Variants in KSR2 observed in about 807,000 individuals in gnomAD.
The protein encoded by KSR2 is kinase suppressor of ras 2.
A neutral mutation model predicts 107.8 loss-of-function variants in KSR2; 25 were observed. The observed-to-expected ratio is 0.23, with a 90% CI of 0.17 to 0.32. KSR2 has a LOEUF of 0.32. Among genes scored for constraint, KSR2 ranks in the 10% least tolerant of loss-of-function variants. The probability of loss-of-function intolerance (pLI) is 1.00; values close to 1 mark genes in which losing one functional copy is unlikely to be tolerated. For missense variants in KSR2, 887 were observed against 1,268.9 expected, an observed-to-expected ratio of 0.70 and a Z score of 4.57; for synonymous variants, 480 against 507.0, an observed-to-expected ratio of 0.95 and a Z score of 0.71.
intron 1 of KSR2, among the ~76,000 whole-genome samples, chr12:117,885,131 G>A (rs760252077): frequency 6.6e-6 from 1 of 152,180 alleles, no homozygotes; most frequent in African/African-American, 2.4e-5. Context: ...GAAGCTCTGA[G>A]AGGCTTCTGA....
Position 117,558,646 on chromosome 12 carries a change from A to AATGGATGG in KSR2, c.1326-81_1326-74dup, listed in dbSNP as rs1399224508. 73 of 1,090,984 alleles carry AATGGATGG rather than the reference A, an allele frequency of 6.7e-5. No homozygotes were observed. The African/African-American group carries it at 1.0e-3, about 15-fold the overall frequency. The allele number at this position is 1,090,984 out of a possible 1,614,324, so 67.6% of individuals were successfully genotyped here. On this transcript the variant is annotated intron_variant, in intron 7 of 19. Transcript: ENST00000339824. ...GAGCGGGTAGGTGGGTGGGTGGATG[A>AATGGATGG]ATGGATGGATGGGTGGATGGGTGGA... is the stretch of plus-strand genomic sequence containing the variant.
intron 1 of KSR2, among the ~76,000 whole-genome samples, chr12:117,880,270 T>C (rs1566064644): frequency 6.6e-6 from 1 of 152,202 alleles, no homozygotes. Flanking sequence ...AACCAAAATA[T>C]AATTACATGA....
chr12:117,591,174 C>A (rs2136268256), intron 5 of KSR2, among the ~76,000 whole-genome samples: 1 of 152,256 alleles, frequency 6.6e-6, no homozygotes, highest in East Asian at 1.9e-4. Context: ...GTAGAATAGT[C>A]CATGAGGGGG....
intron 1 of KSR2, among the ~76,000 whole-genome samples, chr12:117,921,601 G>A (rs1010018110): frequency 6.6e-6 from 1 of 152,132 alleles, no homozygotes; most frequent in African/African-American, 2.4e-5. Context: ...TGTGACTCCA[G>A]GGAGGTTACT....
At chr12:117,844,151 C>T (rs1442983959) in intron 3 of KSR2, among the ~76,000 whole-genome samples, 1 of 152,056 alleles carries the variant, frequency 6.6e-6, no homozygotes, top group Non-Finnish European at 1.5e-5. Context: ...GCTCATGTCA[C>T]ATAAAAGGCA....
At chr12:117,828,848 T>A (rs957376109) in intron 3 of KSR2, among the ~76,000 whole-genome samples, 1 of 152,184 alleles carries the variant, frequency 6.6e-6, no homozygotes, top group Non-Finnish European at 1.5e-5. Context: ...TGTGTCCCAC[T>A]GTGAAAACAA....
At chr12:117,778,274 A>G (rs1439943018) in intron 3 of KSR2, among the ~76,000 whole-genome samples, 1 of 152,032 alleles carries the variant, frequency 6.6e-6, no homozygotes, top group East Asian at 1.9e-4. Flanking sequence ...TATTTTTAGT[A>G]GAGATGGGGT....
intron 10 of KSR2, among the ~76,000 whole-genome samples, chr12:117,536,198 A>C (rs887525211): frequency 2.0e-5 from 3 of 152,206 alleles, no homozygotes; most frequent in Non-Finnish European, 4.4e-5. Context: ...GTTATGCCTA[A>C]GCTTTAGCTT....
At chr12:117,738,853 C>T (rs74657635) in intron 4 of KSR2, among the ~76,000 whole-genome samples, 1 of 152,042 alleles carries the variant, frequency 6.6e-6, no homozygotes, top group African/African-American at 2.4e-5. Context: ...CCGGCCTGGG[C>T]GACAGAGACT....
intron 5 of KSR2, among the ~76,000 whole-genome samples, chr12:117,639,463 G>A (rs575768355): frequency 1.3e-5 from 2 of 151,092 alleles, no homozygotes; most frequent in Admixed American, 6.6e-5. Flanking sequence ...CTGAGAAGCT[G>A]GGATTACAGG....
At chr12:117,687,757 T>C (rs1885636118) in intron 4 of KSR2, among the ~76,000 whole-genome samples, 1 of 152,062 alleles carries the variant, frequency 6.6e-6, no homozygotes, top group Admixed American at 6.6e-5. Context: ...CAGGTGCCAA[T>C]CAGACCAATC....
intron 5 of KSR2, among the ~76,000 whole-genome samples, chr12:117,663,402 G>C (rs1450888559): frequency 6.6e-6 from 1 of 152,146 alleles, no homozygotes; most frequent in Non-Finnish European, 1.5e-5. Flanking sequence ...AATAATAAAA[G>C]TGAACTGCTT....
At chr12:117,507,944 C>T (rs756178469) in intron 14 of KSR2, among the ~76,000 whole-genome samples, 13 of 152,116 alleles carry the variant, frequency 8.5e-5, no homozygotes, top group Admixed American at 2.6e-4. Flanking sequence ...CTTTTCCCCT[C>T]CATTTATCAT....
At chr12:117,526,369 A>AGACCC (rs1875168030) in intron 13 of KSR2, among the ~76,000 whole-genome samples, 1 of 152,212 alleles carries the variant, frequency 6.6e-6, no homozygotes, top group Non-Finnish European at 1.5e-5. Context: ...GGATTCCCAG[A>AGACCC]GACCCTGGGA....
At chr12:117,626,338 A>T (rs565860132) in intron 5 of KSR2, among the ~76,000 whole-genome samples, 21 of 152,240 alleles carry the variant, frequency 1.4e-4, no homozygotes, top group African/African-American at 4.8e-4. Context: ...TCTTGTGGGC[A>T]TTTAGTGCTA....
intron 4 of KSR2, among the ~76,000 whole-genome samples, chr12:117,680,840 GGTAA>G (rs1885335952): frequency 6.6e-6 from 1 of 152,104 alleles, no homozygotes; most frequent in Admixed American, 6.6e-5. Context: ...AAAATGACCT[GGTAA>G]GTGTTACTAG....
chr12:117,779,684 T>C (rs1889817232), intron 3 of KSR2, among the ~76,000 whole-genome samples: 1 of 152,156 alleles, frequency 6.6e-6, no homozygotes, highest in Non-Finnish European at 1.5e-5. Flanking sequence ...TTAAAAGTGT[T>C]TAGCAGTTTC....
intron 6 of KSR2, among the ~76,000 whole-genome samples, chr12:117,581,192 C>G (rs1879640887): frequency 6.6e-6 from 1 of 152,126 alleles, no homozygotes; most frequent in Non-Finnish European, 1.5e-5. Flanking sequence ...CATGAGTCCC[C>G]ATCGTGAGAA....
rs1884712264 is a variant in KSR2, at chr12:117,667,552, G to A, written c.1093C>T (p.Leu365Phe). The A allele has an allele frequency of 6.2e-7, 1 of 1,613,206 alleles. No homozygotes were observed. The highest frequency in any genetic ancestry group is 2.2e-5 in the East Asian group (1 of 44,848). Residue 365 changes from leucine to phenylalanine, a missense_variant, in exon 5 of 20, where the codon CTC becomes TTC. This residue lies in a region of KSR2 where 399 missense variants were observed against 479.5 expected (regional missense o/e 0.83). Coordinates refer to ENST00000339824, the MANE Select transcript of KSR2 (RefSeq NM_173598.6). ...GCGTGTCCCACAAAGAAGGAGCGGA[G>A]GGAGCGCTCGGACAGCAGCGGGGAG... Reference protein sequence around the residue: ...QRSPLLSERSLRSFFVGHAPF... With the variant: ...QRSPLLSERSFRSFFVGHAPF...
Sources: gnomAD v4.1 joint callset for allele counts (sites outside exome capture counted in the v4.1 genomes callset) on GRCh38, gnomAD v4.1.1 for gene constraint, gnomAD v4.1.1 regional missense constraint, MANE v1.5 for transcripts, NCBI Gene and HGNC (gene_info 2026-07-23, HGNC 2026-07-21) for gene names.